The following FAM78B variants were observed in gnomAD, a reference collection of about 807,000 sequenced individuals.
FAM78B encodes the protein family with sequence similarity 78 member B, also known as protein FAM78B.
FAM78B carries 10 observed loss-of-function variants against 20.0 expected under a neutral mutation model. The observed-to-expected ratio is 0.50, with a 90% CI of 0.31 to 0.85. The LOEUF (loss-of-function observed/expected upper bound fraction) is 0.85. Ranked by LOEUF, FAM78B falls within the 40% of genes least tolerant of loss-of-function variation. The probability of loss-of-function intolerance (pLI) is 0.05; values close to 1 mark genes in which losing one functional copy is unlikely to be tolerated. For synonymous variants in FAM78B, 135 were observed against 132.8 expected (o/e 1.02, Z -0.12); for missense variants, 283 against 345.0 (o/e 0.82, Z 1.42).
intron 1 of FAM78B, among the ~76,000 whole-genome samples, chr1:166,162,895 C>T (rs1656203459): frequency 6.6e-6 from 1 of 152,134 alleles, no homozygotes; most frequent in Admixed American, 6.5e-5. Context: ...TTAGTCCCTC[C>T]TCCTTGCCTA....
intron 1 of FAM78B, among the ~76,000 whole-genome samples, chr1:166,071,835 A>G (rs1445719848): frequency 6.6e-6 from 1 of 152,110 alleles, no homozygotes; most frequent in East Asian, 1.9e-4. Context: ...GTACCCTTAC[A>G]CAGCGCTGGA....
intron 1 of FAM78B, among the ~76,000 whole-genome samples, chr1:166,074,784 G>A (rs560129902): frequency 1.3e-5 from 2 of 152,326 alleles, no homozygotes; most frequent in South Asian, 4.1e-4. Flanking sequence ...ATGAAGTAGT[G>A]AATATGAATG....
At chr1:166,059,477 T>C (rs1052688736) in exon 3 of FAM78B, 1 of 152,222 alleles carries the variant, frequency 6.6e-6, no homozygotes, top group Non-Finnish European at 1.5e-5. Context: ...TTCGATGCTA[T>C]AATTGGTTTG....
intron 1 of FAM78B, among the ~76,000 whole-genome samples, chr1:166,162,175 G>A (rs547431425): frequency 6.6e-6 from 1 of 152,302 alleles, no homozygotes; most frequent in Admixed American, 6.5e-5. Context: ...AATCACAGAC[G>A]AACTTAGCAA....
intron 1 of FAM78B, among the ~76,000 whole-genome samples, chr1:166,088,931 A>C (rs1486553560): frequency 6.6e-6 from 1 of 152,096 alleles, no homozygotes; most frequent in Non-Finnish European, 1.5e-5. Context: ...CTGACTCCCC[A>C]GCTTCATCTC....
intron 1 of FAM78B, among the ~76,000 whole-genome samples, chr1:166,126,982 G>A (rs1031705459): frequency 6.6e-6 from 1 of 152,190 alleles, no homozygotes; most frequent in Admixed American, 6.5e-5. Flanking sequence ...AGATATTTGT[G>A]ATCTGGAAGG....
chr1:166,087,033 A>G (rs1362081556), intron 1 of FAM78B: 1 of 152,004 alleles, frequency 6.6e-6, no homozygotes, highest in East Asian at 1.9e-4. Flanking sequence ...TTTAATCTGC[A>G]ACAACACTAC....
At chr1:166,107,775 T>C (rs1273663798) in intron 1 of FAM78B, among the ~76,000 whole-genome samples, 3 of 152,124 alleles carry the variant, frequency 2.0e-5, no homozygotes, top group Non-Finnish European at 4.4e-5. Flanking sequence ...TCCAACAACA[T>C]ATCAAAGAGA....
chr1:166,108,150 C>T (rs548942686), intron 1 of FAM78B, among the ~76,000 whole-genome samples: 1 of 152,208 alleles, frequency 6.6e-6, no homozygotes, highest in South Asian at 2.1e-4. Flanking sequence ...TCAGAGCAAT[C>T]AGACAAGAGA....
rs189646579 is a variant in FAM78B at position 166,092,447 on chromosome 1, C to T, written c.264-21684G>A. On this transcript the variant is annotated intron_variant, in intron 1 of 1. Coordinates refer to ENST00000354422, the MANE Select transcript of FAM78B (RefSeq NM_001017961.5). ...TCAACACCTCCTCTACCTCCTTCCA[C>T]CCCTAGTTAGTCCTACCCTGCCTCT... Among the ~76,000 whole-genome samples, 273 of 152,354 alleles carry T rather than the reference C, an allele frequency of 1.8e-3. No individual in the cohort carries two copies. In the South Asian group the frequency reaches 0.021, roughly 12 times the overall value.
intron 1 of FAM78B, among the ~76,000 whole-genome samples, chr1:166,082,351 T>C (rs771441737): frequency 6.6e-6 from 1 of 152,198 alleles, no homozygotes; most frequent in Non-Finnish European, 1.5e-5. Context: ...TTTCTTTCAG[T>C]TCTTTACAAC....
chr1:166,162,241 G>A (rs938271204), intron 1 of FAM78B, among the ~76,000 whole-genome samples: 2 of 152,288 alleles, frequency 1.3e-5, no homozygotes, highest in Non-Finnish European at 2.9e-5. Context: ...AGGCAACAGA[G>A]GTGAGCGGGT....
chr1:166,145,919 T>A (rs562828741), intron 1 of FAM78B, among the ~76,000 whole-genome samples: 4 of 152,348 alleles, frequency 2.6e-5, no homozygotes, highest in Admixed American at 6.5e-5. Context: ...GGGTAAGTTA[T>A]TGGTCTAAAA....
At chr1:166,093,292 C>T (rs934393698) in intron 1 of FAM78B, among the ~76,000 whole-genome samples, 1 of 152,164 alleles carries the variant, frequency 6.6e-6, no homozygotes, top group African/African-American at 2.4e-5. Context: ...GTCATGTCTA[C>T]ATTCCAGGTG....
intron 1 of FAM78B, among the ~76,000 whole-genome samples, chr1:166,108,124 G>C (rs966085310): frequency 6.6e-6 from 1 of 152,100 alleles, no homozygotes; most frequent in African/African-American, 2.4e-5. Context: ...CTTCAACATA[G>C]TACTGGAAGT....
rs1429285018 is a variant in FAM78B, at chr1:166,109,836, A to G, written c.264-39073T>C. The stretch of plus-strand genomic sequence containing the variant: ...TATGTATATATATATATATATGTAT[A>G]TATGTATATATATATATATATATAT... On this transcript the variant is annotated intron_variant, in intron 1 of 1. Transcript: ENST00000354422. 1.0e-3 allele frequency among the ~76,000 whole-genome samples: 18 copies of G among 17,962 alleles called. 1 individual carries two copies. The highest frequency in any genetic ancestry group is 3.4e-3 in the East Asian group (1 of 294). The allele number at this position is 17,962 out of a possible 152,430, so 11.8% of individuals were successfully genotyped here. A position where few individuals can be genotyped will look rare whatever the true frequency, so the allele number is the denominator to read the frequency against.
At chr1:166,086,953 T>C (rs1182651450) in intron 1 of FAM78B, 1 of 152,092 alleles carries the variant, frequency 6.6e-6, no homozygotes, top group African/African-American at 2.4e-5. Context: ...TGTGGCCACA[T>C]GCAGTGTGGC....
intron 1 of FAM78B, among the ~76,000 whole-genome samples, chr1:166,076,948 C>A (rs12407136): frequency 0.15 from 23,453 of 152,012 alleles, 2,009 homozygotes; most frequent in East Asian, 0.25. Context: ...TTGAGGATGA[C>A]AGACCTGTCA....
chr1:166,066,538 G>C (rs747107139), downstream of FAM78B, among the ~76,000 whole-genome samples: 6 of 152,092 alleles, frequency 3.9e-5, no homozygotes, highest in Non-Finnish European at 7.3e-5. Flanking sequence ...TTCAATCCTG[G>C]CTCCTGACAT....
Sources: gnomAD v4.1 joint callset for allele counts (sites outside exome capture counted in the v4.1 genomes callset) on GRCh38, gnomAD v4.1.1 for gene constraint, MANE v1.5 for transcripts, NCBI Gene and HGNC (gene_info 2026-07-23, HGNC 2026-07-21) for gene names.